The following ACSM4 variants were observed in gnomAD, a reference collection of about 807,000 sequenced individuals.
ACSM4 encodes acyl-coenzyme A synthetase ACSM4, mitochondrial.
A neutral mutation model predicts 73.0 loss-of-function variants in ACSM4; 66 were observed. The ratio of observed to expected loss-of-function variants is 0.90; its 90% CI spans 0.74 to 1.11. ACSM4 has a LOEUF of 1.11. Ranked by LOEUF, ACSM4 falls within the 50% of genes least tolerant of loss-of-function variation. ACSM4 has a pLI of 0.00. For missense variants in ACSM4, 645 were observed against 714.4 expected, an observed-to-expected ratio of 0.90 and a Z score of 1.11; for synonymous variants, 222 against 254.0, an observed-to-expected ratio of 0.87 and a Z score of 1.20.
intron 1 of ACSM4, among the ~76,000 whole-genome samples, chr12:7,305,937 A>G (rs1946359294): frequency 6.6e-6 from 1 of 152,228 alleles, no homozygotes; most frequent in Non-Finnish European, 1.5e-5. Flanking sequence ...AGTTACCTCT[A>G]GAAGTCAATA....
At chr12:7,318,387 A>T in intron 5 of ACSM4, 1 of 547,758 alleles carries the variant, frequency 1.8e-6, no homozygotes, top group Middle Eastern at 4.9e-4. Flanking sequence ...TGAGGCAGGA[A>T]ATCCAGACTT....
chr12:7,304,164 G>A lies in ACSM4; in HGVS notation c.-168G>A, dbSNP rs979199156. 7.5e-6 allele frequency: 5 copies of A among 664,812 alleles called. No homozygotes were observed. The highest frequency in any genetic ancestry group is 3.6e-5 in the African/African-American group (2 of 55,208). 41.2% of individuals were successfully genotyped at this position (664,812 alleles called of 1,614,324 possible). On this transcript the variant is annotated 5_prime_UTR_variant, in exon 1 of 13. Coordinates refer to ENST00000399422, the MANE Select transcript of ACSM4 (RefSeq NM_001080454.2). Reference sequence around the variant, plus strand: ...TGGCTAAGGCAGCAGCTCTGAGGAAGGATGAGGTGTTTTTCAGGTGTTCCC... The same window carrying A: ...TGGCTAAGGCAGCAGCTCTGAGGAAAGATGAGGTGTTTTTCAGGTGTTCCC...
At position 7,320,772 on chromosome 12, in the gene ACSM4, G is replaced by C; in HGVS notation, c.969G>C (p.Val323=). ...CGACCCTGTGCAGTCCTCCCACTGT[G>C]TACCGGATGCTCGTGCAAAAAGACC... The part of the protein sequence containing the change: ...PITTLCSPPT[V]YRMLVQKDLK... The change falls in exon 6 of 13, where the codon GTG becomes GTC. Residue 323 remains valine, a synonymous_variant. Coordinates refer to ENST00000399422, the MANE Select transcript of ACSM4 (RefSeq NM_001080454.2). 1 of 1,613,716 alleles carries C rather than the reference G, an allele frequency of 6.2e-7. No homozygotes were observed.
chr12:7,309,398 T>C (rs1946378160), intron 2 of ACSM4, among the ~76,000 whole-genome samples: 1 of 152,152 alleles, frequency 6.6e-6, no homozygotes, highest in Non-Finnish European at 1.5e-5. Flanking sequence ...GACTGTATAA[T>C]CTATCAATAA....
At chr12:7,318,310 A>G (rs142651700) in intron 5 of ACSM4, 128 bp downstream of exon 5, 1 of 1,270,864 alleles carries the variant, frequency 7.9e-7, no homozygotes, top group East Asian at 2.4e-5. Flanking sequence ...TATACAAAGC[A>G]AAGTCTCAAG....
At chr12:7,312,645 A>T (rs1016748258) in intron 3 of ACSM4, among the ~76,000 whole-genome samples, 2 of 152,200 alleles carry the variant, frequency 1.3e-5, no homozygotes, top group African/African-American at 4.8e-5. Flanking sequence ...TGGATAAGTG[A>T]GGTAACATTG....
At position 7,317,937 on chromosome 12, in the gene ACSM4, T is replaced by C. The variant is rs115565861; in HGVS notation, c.765-89T>C. ...ACCCTTCTCTGTAGCCCTTAAGATA[T>C]AGGGGCAAAGTCACCCCTGAAAGAT... On this transcript the variant is annotated intron_variant, in intron 4 of 12. Coordinates refer to ENST00000399422, the MANE Select transcript of ACSM4 (RefSeq NM_001080454.2). 8,447 of 1,418,656 alleles carry C rather than the reference T, an allele frequency of 6.0e-3. 436 individuals are homozygous for C. In the African/African-American group the frequency reaches 0.11, roughly 18 times the overall value. 87.9% of individuals were successfully genotyped at this position (1,418,656 alleles called of 1,614,324 possible). A position where few individuals can be genotyped will look rare whatever the true frequency, so the allele number is the denominator to read the frequency against.
chr12:7,315,063 G>A (rs1946411474), intron 3 of ACSM4, among the ~76,000 whole-genome samples: 1 of 152,098 alleles, frequency 6.6e-6, no homozygotes, highest in Admixed American at 6.5e-5. Context: ...GGGCATGGGG[G>A]CACATGCCTG....
chr12:7,321,340 T>C (rs1946462002), intron 6 of ACSM4, among the ~76,000 whole-genome samples: 2 of 152,180 alleles, frequency 1.3e-5, no homozygotes, highest in Admixed American at 1.3e-4. Context: ...GAACATCCAG[T>C]AGAGTTGCAA....
At chr12:7,323,641 C>A in intron 9 of ACSM4, 81 bp downstream of exon 9, 3 of 1,243,958 alleles carry the variant, frequency 2.4e-6, no homozygotes, top group South Asian at 1.3e-5. Context: ...GCTATGTAAT[C>A]TTGGGCAAGC....
At chr12:7,310,415 A>C (rs955342146) in intron 2 of ACSM4, 124 bp from the exon 3 acceptor site, 1 of 921,534 alleles carries the variant, frequency 1.1e-6, no homozygotes, top group Admixed American at 2.2e-5. Context: ...TTGGGCATCA[A>C]GGCAGAGGTA....
intron 2 of ACSM4, among the ~76,000 whole-genome samples, chr12:7,307,854 T>C (rs1047189049): frequency 1.1e-4 from 17 of 152,246 alleles, no homozygotes; most frequent in African/African-American, 4.1e-4. Context: ...TGGGCCTTTA[T>C]TGAAAAGTTT....
At chr12:7,306,904 A>T (rs562264466) in intron 2 of ACSM4, among the ~76,000 whole-genome samples, 161 bp downstream of exon 2, 2 of 151,742 alleles carry the variant, frequency 1.3e-5, no homozygotes, top group Non-Finnish European at 2.9e-5. Context: ...TAACAATAAC[A>T]CCAAGAGGGA....
chr12:7,326,991 G>A lies in ACSM4; in HGVS notation c.1552G>A (p.Val518Ile). The change falls in exon 12 of 13, where the codon GTT (valine) becomes ATT (isoleucine). Residue 518 changes from valine (V) to isoleucine (I), a missense_variant. Physicochemically the swap from Val to Ile is conservative, Grantham distance 29 (BLOSUM62 3). Transcript: ENST00000399422. ...TCTGTTGCAGGTGGTGAAAGCTTTT[G>A]TTGTCTTAGCTGCACCCTTTAAGTC... ...QIRGEVVKAF[V>I]VLAAPFKSYN... 6.2e-7 allele frequency: 1 copy of A among 1,604,314 alleles called. No individual in the cohort carries two copies. Among genetic ancestry groups the A allele is most frequent in the South Asian group, 1.1e-5 (1 of 88,072 alleles).
chr12:7,314,890 T>C (rs1235380993), intron 3 of ACSM4, among the ~76,000 whole-genome samples: 1 of 152,208 alleles, frequency 6.6e-6, no homozygotes, highest in Non-Finnish European at 1.5e-5. Flanking sequence ...TTTATGAAAC[T>C]ATTTTTAAAT....
chr12:7,316,975 T>TGAG (rs1194972956), intron 3 of ACSM4, among the ~76,000 whole-genome samples, 162 bp from the exon 4 acceptor site: 1 of 152,244 alleles, frequency 6.6e-6, no homozygotes, highest in Non-Finnish European at 1.5e-5. Flanking sequence ...AAAGTCCCGC[T>TGAG]AAGATTTCTT....
At chr12:7,318,315 C>T (rs1946436395) in intron 5 of ACSM4, 133 bp downstream of exon 5, 2 of 1,130,078 alleles carry the variant, frequency 1.8e-6, no homozygotes, top group Admixed American at 2.8e-5. Context: ...AAAGCAAAGT[C>T]TCAAGGGCCT....
At chr12:7,314,765 C>A (rs1481195973) in intron 3 of ACSM4, among the ~76,000 whole-genome samples, 1 of 152,178 alleles carries the variant, frequency 6.6e-6, no homozygotes, top group Non-Finnish European at 1.5e-5. Flanking sequence ...TGTAGCCCAA[C>A]ACATATCAAC....
At chr12:7,307,171 G>T (rs142738376) in intron 2 of ACSM4, among the ~76,000 whole-genome samples, 2 of 152,054 alleles carry the variant, frequency 1.3e-5, no homozygotes, top group Admixed American at 1.3e-4. Context: ...GGAGAATCGC[G>T]TGAACCCGGG....
Sources: gnomAD v4.1 joint callset for allele counts (sites outside exome capture counted in the v4.1 genomes callset) on GRCh38, gnomAD v4.1.1 for gene constraint, MANE v1.5 for transcripts, NCBI Gene and HGNC (gene_info 2026-07-23, HGNC 2026-07-21) for gene names.